The following RARB variants were observed in gnomAD, a reference collection of about 807,000 sequenced individuals.
RARB encodes HBV-activated protein.
A neutral mutation model predicts 51.9 loss-of-function variants in RARB; 17 were observed. The ratio of observed to expected loss-of-function variants is 0.33; its 90% confidence interval spans 0.22 to 0.49. The LOEUF is 0.49. RARB is among the 20% of genes least tolerant of loss of function. The pLI, the probability that RARB is intolerant of heterozygous loss-of-function variation, is 0.99. For synonymous variants in RARB, 215 were observed against 195.4 expected, an observed-to-expected ratio of 1.10 and a Z score of -0.84; for missense variants, 369 against 550.8, an observed-to-expected ratio of 0.67 and a Z score of 3.30.
chr3:25,249,908 G>C (rs1702667444), intron 5 of RARB, among the ~76,000 whole-genome samples: 1 of 152,198 alleles, frequency 6.6e-6, no homozygotes, highest in South Asian at 2.1e-4. Context: ...CAGCACTATT[G>C]CCAGGTCCTG....
intron 2 of RARB, among the ~76,000 whole-genome samples, chr3:25,011,045 C>T (rs955791729): frequency 5.9e-5 from 9 of 152,068 alleles, no homozygotes; most frequent in Admixed American, 2.6e-4. Context: ...TCAAGTTAAC[C>T]TATATCTGTT....
At chr3:24,917,490 A>C (rs183658046) in intron 2 of RARB, among the ~76,000 whole-genome samples, 1 of 152,368 alleles carries the variant, frequency 6.6e-6, no homozygotes, top group Admixed American at 6.5e-5. Context: ...GATTTGATTG[A>C]ATAGTCACTT....
At chr3:25,155,817 T>C (rs1470329547) in intron 4 of RARB, among the ~76,000 whole-genome samples, 1 of 152,210 alleles carries the variant, frequency 6.6e-6, no homozygotes, top group African/African-American at 2.4e-5. Flanking sequence ...CCAGCCCATC[T>C]GCAAAGCATA....
At chr3:25,120,186 G>C (rs564306916) in intron 3 of RARB, among the ~76,000 whole-genome samples, 1 of 152,236 alleles carries the variant, frequency 6.6e-6, no homozygotes, top group African/African-American at 2.4e-5. Context: ...ACAGGAACCA[G>C]ATAGGTAACA....
chr3:25,422,664 GAGAA>G (rs1707893017), intron 5 of RARB, among the ~76,000 whole-genome samples: 1 of 151,944 alleles, frequency 6.6e-6, no homozygotes, highest in African/African-American at 2.4e-5. Flanking sequence ...CCAGCCAAGA[GAGAA>G]AGAAAGATGA....
chr3:24,883,480 A>C (rs911384675), intron 2 of RARB, among the ~76,000 whole-genome samples: 2 of 152,146 alleles, frequency 1.3e-5, no homozygotes, highest in East Asian at 3.9e-4. Flanking sequence ...AAAGTAAAGG[A>C]ATCAAGAAAG....
chr3:25,248,191 C>T (rs1485307133), intron 5 of RARB, among the ~76,000 whole-genome samples: 1 of 152,124 alleles, frequency 6.6e-6, no homozygotes, highest in Admixed American at 6.6e-5. Context: ...TATAGCTACT[C>T]CTGCTCATTT....
chr3:25,039,968 T>A (rs1698079619), intron 2 of RARB, among the ~76,000 whole-genome samples: 1 of 152,158 alleles, frequency 6.6e-6, no homozygotes, highest in Non-Finnish European at 1.5e-5. Context: ...GAAGAGAGTT[T>A]TACTTAGCTA....
intron 3 of RARB, among the ~76,000 whole-genome samples, chr3:25,115,783 A>G (rs1699676851): frequency 6.6e-6 from 1 of 151,034 alleles, no homozygotes; most frequent in Non-Finnish European, 1.5e-5. Context: ...ATGCCATCAC[A>G]CTCAGCTAAT....
chr3:25,179,990 C>T (rs1051839935), intron 5 of RARB, among the ~76,000 whole-genome samples: 1 of 152,064 alleles, frequency 6.6e-6, no homozygotes, highest in African/African-American at 2.4e-5. Context: ...TTGATCTTTA[C>T]CCCCAAAGGG....
chr3:25,552,001 G>A (rs1016045359), intron 3 of RARB, among the ~76,000 whole-genome samples: 1 of 152,076 alleles, frequency 6.6e-6, no homozygotes, highest in Non-Finnish European at 1.5e-5. Context: ...ACTTTTTAAA[G>A]TCAAGAGGCA....
intron 4 of RARB, among the ~76,000 whole-genome samples, chr3:25,161,835 G>T (rs374135127): frequency 1.3e-5 from 2 of 152,320 alleles, no homozygotes; most frequent in South Asian, 2.1e-4. Flanking sequence ...GGGGCCCATG[G>T]AATGTATGCA....
chr3:25,177,746 A>G (rs1700783921), intron 5 of RARB, among the ~76,000 whole-genome samples: 1 of 152,170 alleles, frequency 6.6e-6, no homozygotes, highest in African/African-American at 2.4e-5. Context: ...GAACTTCTCT[A>G]AGCCTACAGC....
chr3:25,408,112 A>G (rs571345096), intron 5 of RARB, among the ~76,000 whole-genome samples: 6 of 152,176 alleles, frequency 3.9e-5, no homozygotes, highest in Non-Finnish European at 5.9e-5. Flanking sequence ...CTGGGGGACC[A>G]AACCCAAAAT....
chr3:25,077,520 A>G (rs1334804266), intron 3 of RARB, among the ~76,000 whole-genome samples: 3 of 152,186 alleles, frequency 2.0e-5, no homozygotes, highest in Non-Finnish European at 2.9e-5. Context: ...ATGTTTTAAT[A>G]GTCTTTTTAC....
intron 2 of RARB, among the ~76,000 whole-genome samples, chr3:24,859,010 C>T (rs1303504353): frequency 7.7e-6 from 1 of 130,576 alleles, no homozygotes; most frequent in African/African-American, 3.0e-5. Context: ...GCACTTCAGC[C>T]TGGATGACAG....
At chr3:25,439,689 T>C (rs1338427012) in intron 1 of RARB, among the ~76,000 whole-genome samples, 4 of 152,236 alleles carry the variant, frequency 2.6e-5, no homozygotes, top group Non-Finnish European at 5.9e-5. Flanking sequence ...TGAGCCACTG[T>C]GTCCCGCTCA....
intron 2 of RARB, chr3:25,025,014 A>C (rs889375193): frequency 2.0e-5 from 3 of 151,920 alleles, no homozygotes; most frequent in Non-Finnish European, 4.4e-5. Context: ...AAATATGGCC[A>C]TACCACCCTG....
In RARB at chr3:25,209,390, C is replaced by G. The variant is rs76681229; in HGVS notation, c.178+34815C>G. Among the ~76,000 whole-genome samples, 984 of 152,330 alleles carry G rather than the reference C, an allele frequency of 6.5e-3. 8 individuals carry two copies. The highest frequency in any genetic ancestry group is 0.021 in the African/African-American group (891 of 41,570). ...AAGACACTACAGAGTTTATTCTTCT[C>G]TTTCAGAAGCATATATAGATGTGAT... On this transcript the variant is annotated intron_variant, in intron 5 of 11. Coordinates refer to the RARB transcript ENST00000383772.
Sources: allele counts gnomAD v4.1 joint callset (sites outside exome capture counted in the v4.1 genomes callset), GRCh38; gene constraint gnomAD v4.1.1; transcripts MANE v1.5; gene names NCBI Gene and HGNC (gene_info 2026-07-23, HGNC 2026-07-21).